Variants in ZMYM5 observed in about 807,000 individuals in gnomAD.
ZMYM5 encodes zinc finger MYM-type protein 5.
Under a neutral mutation model 61.8 loss-of-function variants are expected in ZMYM5, and 41 were observed. The observed-to-expected ratio is 0.66, with a 90% CI of 0.52 to 0.86. ZMYM5 has a LOEUF of 0.86. Ranked by LOEUF, ZMYM5 falls within the 40% of genes least tolerant of loss-of-function variation. The probability of loss-of-function intolerance (pLI) is 0.00; values close to 1 mark genes in which losing one functional copy is unlikely to be tolerated. For synonymous variants in ZMYM5, 257 were observed against 276.4 expected (o/e 0.93, Z 0.70); for missense variants, 706 against 786.7 (o/e 0.90, Z 1.23).
chr13:19,842,945 A>G (rs1952928811), intron 4 of ZMYM5, among the ~76,000 whole-genome samples: 1 of 137,964 alleles, frequency 7.2e-6, no homozygotes, highest in Non-Finnish European at 1.5e-5. Context: ...GGGAGACAAG[A>G]GCCAAACTCC....
chr13:19,853,853 A>AT (rs1953408335), intron 2 of ZMYM5, among the ~76,000 whole-genome samples: 1 of 151,950 alleles, frequency 6.6e-6, no homozygotes, highest in South Asian at 2.1e-4. Context: ...AAGTGTTGGG[A>AT]TTATAGGTGT....
At position 19,835,662 on chromosome 13, in the gene ZMYM5, C is replaced by T. The variant is rs1489685349; in HGVS notation, c.1066G>A (p.Val356Ile). The change falls in exon 7 of 8, where the codon GTA (valine) becomes ATA (isoleucine). Residue 356 changes from valine (V) to isoleucine (I), a missense_variant. Physicochemically the swap from Val to Ile is conservative, Grantham distance 29. This residue lies in a region of ZMYM5 where 480 missense variants were observed against 461.7 expected (regional missense o/e 1.04). Transcript: ENST00000337963. ...EIRHEVSVNNVTHKLCSNHCF... is the reference protein window; with the variant it reads ...EIRHEVSVNNITHKLCSNHCF... ...TGGTTACTGCACAGTTTATGTGTTACATTATTTACGCTGACTTCATGGCGA... is the reference window on the plus strand; with the variant it reads ...TGGTTACTGCACAGTTTATGTGTTATATTATTTACGCTGACTTCATGGCGA... The T allele has an allele frequency of 1.1e-5, 15 of 1,367,548 alleles. No individual in the cohort carries two copies. Among genetic ancestry groups the T allele is most frequent in the Non-Finnish European group, 1.5e-5 (15 of 1,021,812 alleles). The allele number at this position is 1,367,548 out of a possible 1,614,324, so 84.7% of individuals were successfully genotyped here. A position where few individuals can be genotyped will look rare whatever the true frequency, so the allele number is the denominator to read the frequency against.
At chr13:19,827,333 T>A (rs1890963040) in intron 7 of ZMYM5, among the ~76,000 whole-genome samples, 1 of 152,212 alleles carries the variant, frequency 6.6e-6, no homozygotes, top group Admixed American at 6.5e-5. Context: ...CAGGTATACA[T>A]AATACTTTGT....
chr13:19,851,213 C>A (rs1412555894), intron 4 of ZMYM5, 142 bp downstream of exon 4: 1 of 772,158 alleles, frequency 1.3e-6, no homozygotes, highest in South Asian at 1.8e-5. Flanking sequence ...GAGCGAAACT[C>A]GGTCTCCAAA....
intron 4 of ZMYM5, among the ~76,000 whole-genome samples, chr13:19,845,676 G>A (rs2138577652): frequency 6.6e-6 from 1 of 152,294 alleles, no homozygotes; most frequent in Non-Finnish European, 1.5e-5. Context: ...ACATTTAGTT[G>A]TTTGTTGTTT....
rs1458683228 is a variant in ZMYM5, at chr13:19,824,537, A to G, written c.1950T>C (p.Ala650=). Residue 650 remains alanine, a synonymous_variant, in exon 8 of 8, where the codon GCT becomes GCC. Transcript: ENST00000337963. The stretch of plus-strand genomic sequence containing the variant: ...CATTTTCATATAATCTGTGTTCTGC[A>G]GCATCAATAGCTTTATTTTTTTTCA... ...SDLKKNKAID[A]AEHRLYENEK... is the part of the protein sequence containing the mutation. 1 of 1,331,142 alleles carries G rather than the reference A, an allele frequency of 7.5e-7. No homozygotes were observed. Among genetic ancestry groups the G allele is most frequent in the Admixed American group, 2.3e-5 (1 of 43,112 alleles). 82.5% of individuals were successfully genotyped at this position (1,331,142 alleles called of 1,614,324 possible). A position where few individuals can be genotyped will look rare whatever the true frequency, so the allele number is the denominator to read the frequency against.
chr13:19,856,668 C>T (rs947252446), intron 2 of ZMYM5, among the ~76,000 whole-genome samples: 10 of 151,074 alleles, frequency 6.6e-5, no homozygotes, highest in Non-Finnish European at 1.0e-4. Context: ...AATTGATTCA[C>T]GCGTGGTGGC....
At chr13:19,826,985 GT>G (rs1890948205) in intron 7 of ZMYM5, among the ~76,000 whole-genome samples, 1 of 152,150 alleles carries the variant, frequency 6.6e-6, no homozygotes, top group African/African-American at 2.4e-5. Flanking sequence ...GAATAAACTA[GT>G]TGCGAAGTAC....
intron 2 of ZMYM5, among the ~76,000 whole-genome samples, chr13:19,855,467 T>G (rs111938731): frequency 6.6e-6 from 1 of 151,882 alleles, no homozygotes; most frequent in Non-Finnish European, 1.5e-5. Flanking sequence ...TTTCACCGTG[T>G]TAGCCAGGAT....
intron 4 of ZMYM5, among the ~76,000 whole-genome samples, chr13:19,845,866 T>C (rs1953056019): frequency 6.6e-6 from 1 of 151,960 alleles, no homozygotes; most frequent in African/African-American, 2.4e-5. Flanking sequence ...AAATCTAGAG[T>C]AGTTTTATTT....
intron 4 of ZMYM5, among the ~76,000 whole-genome samples, chr13:19,840,052 G>A (rs1018968024): frequency 6.6e-6 from 1 of 152,214 alleles, no homozygotes; most frequent in Admixed American, 6.6e-5. Context: ...GAAGAAATCT[G>A]ATACTCTGCA....
At chr13:19,850,467 C>T (rs988935300) in intron 4 of ZMYM5, among the ~76,000 whole-genome samples, 5 of 151,770 alleles carry the variant, frequency 3.3e-5, no homozygotes, top group Admixed American at 1.3e-4. Flanking sequence ...GGCATGGAGA[C>T]GGGCGTGCTT....
At chr13:19,862,000 G>A (rs552415804) in intron 2 of ZMYM5, among the ~76,000 whole-genome samples, 6 of 152,264 alleles carry the variant, frequency 3.9e-5, no homozygotes, top group African/African-American at 1.4e-4. Flanking sequence ...CTGGAGGACT[G>A]TCAGGGTACA....
chr13:19,851,848 T>A lies in ZMYM5; in HGVS notation c.333A>T (p.Gly111=). 1 of 1,612,376 alleles carries A rather than the reference T, an allele frequency of 6.2e-7. No homozygotes were observed. Among genetic ancestry groups the A allele is most frequent in the Non-Finnish European group, 8.5e-7 (1 of 1,179,698 alleles). Residue 111 remains glycine (G), a synonymous_variant, in exon 3 of 8, where the codon GGA becomes GGT. Transcript: ENST00000337963. ...PSSRDLASQK[G]NISETIVIDD... is the part of the protein sequence containing the mutation. ...CAATAACAATTGTCTCACTTATATT[T>A]CCTTTCTGAGATGCCAAATCTCTTG...
intron 4 of ZMYM5, among the ~76,000 whole-genome samples, chr13:19,846,988 C>A (rs1403217312): frequency 6.6e-6 from 1 of 152,096 alleles, no homozygotes; most frequent in Non-Finnish European, 1.5e-5. Context: ...CGCTCTGCTG[C>A]CCAGGCTGGA....
chr13:19,838,982 G>A lies in ZMYM5; in HGVS notation c.590C>T (p.Ser197Phe). ...GEFATHHSPD[S>F]WISQSASFPS... is the part of the protein sequence containing the mutation. ...AAATGAAGCTGACTGGGAGATCCAAGAATCTTAAAAATGAAACAAGAAAAA... is the reference window on the plus strand; with the variant it reads ...AAATGAAGCTGACTGGGAGATCCAAAAATCTTAAAAATGAAACAAGAAAAA... Residue 197 changes from serine (S) to phenylalanine (F), a missense_variant, in exon 5 of 8, where the codon TCT becomes TTT. Transcript: ENST00000337963. The A allele has an allele frequency of 6.3e-7, 1 of 1,598,758 alleles. No individual in the cohort carries two copies. The highest frequency in any genetic ancestry group is 8.5e-7 in the Non-Finnish European group (1 of 1,173,404).
At position 19,824,983 on chromosome 13, in the gene ZMYM5, C is replaced by T. The variant is rs745995006; in HGVS notation, c.1504G>A (p.Glu502Lys). 7.3e-7 allele frequency: 1 copy of T among 1,367,178 alleles called. No individual in the cohort carries two copies. The highest frequency in any genetic ancestry group is 9.8e-7 in the Non-Finnish European group (1 of 1,021,656). 84.7% of individuals were successfully genotyped at this position (1,367,178 alleles called of 1,614,324 possible). The change falls in exon 8 of 8, where the codon GAG becomes AAG. Residue 502 changes from glutamate to lysine, a missense_variant. By Grantham distance (56) the Glu-to-Lys change is moderately conservative. Around this residue, in one of 2 missense-constraint regions of ZMYM5, gnomAD observed 226 missense variants for 325.0 expected, o/e 0.70. Transcript: ENST00000337963. ...TCAAAATTTTTCTCTTCCAGTTGCT[C>T]TTGAAATGTATCAGCTATGGTTGAC... Reference protein sequence around the residue: ...STSTIADTFQEQLEEKNFEDS... With the variant: ...STSTIADTFQKQLEEKNFEDS...
In ZMYM5 at chr13:19,837,591, T is replaced by A. The variant is rs371329902; in HGVS notation, c.1038+65A>T. On this transcript the variant is annotated intron_variant, in intron 6 of 7. Coordinates refer to ENST00000337963, the MANE Select transcript of ZMYM5 (RefSeq NM_001142684.2). ...ATTATGTAGATGAAAGAGTACATAA[T>A]AGCACTTAAAAGTTAAAATTATCAC... The A allele has an allele frequency of 3.7e-6, 6 of 1,606,094 alleles. No individual in the cohort carries two copies. In the East Asian group the frequency reaches 1.3e-4, roughly 36 times the overall value.
Position 19,840,827 on chromosome 13 carries a change from G to A in ZMYM5, c.587-1842C>T, listed in dbSNP as rs1055309230. ...TGAGTAGCTGGGACTACAAGCACCC[G>A]CCACCATGCCCGGCTAATTTTTTGT... On this transcript the variant is annotated intron_variant, in intron 4 of 7. Transcript: ENST00000337963. Among the ~76,000 whole-genome samples the A allele has an allele frequency of 7.9e-5, 12 of 151,996 alleles. No homozygotes were observed. In the South Asian group the frequency reaches 1.0e-3, roughly 13 times the overall value.
Sources: gnomAD v4.1 joint callset for allele counts (sites outside exome capture counted in the v4.1 genomes callset) on GRCh38, gnomAD v4.1.1 for gene constraint, gnomAD v4.1.1 regional missense constraint, MANE v1.5 for transcripts, NCBI Gene and HGNC (gene_info 2026-07-23, HGNC 2026-07-21) for gene names.